The following DAPK1 variants were observed in gnomAD, a reference collection of about 807,000 sequenced individuals.
DAPK1 encodes death associated protein kinase 1, also known as death-associated protein kinase 1.
A neutral mutation model predicts 144.9 loss-of-function variants in DAPK1; 56 were observed. The ratio of observed to expected loss-of-function variants is 0.39; its 90% CI spans 0.31 to 0.48. DAPK1 has a LOEUF of 0.48. Ranked by LOEUF, DAPK1 falls within the 20% of genes least tolerant of loss-of-function variation. The pLI is 0.95. For synonymous variants in DAPK1, 690 were observed against 749.0 expected, an observed-to-expected ratio of 0.92 and a Z score of 1.29; for missense variants, 1,454 against 1,875.4, an observed-to-expected ratio of 0.78 and a Z score of 4.15.
At position 87,681,588 on chromosome 9, in the gene DAPK1, G is replaced by A. The variant is rs61730112; in HGVS notation, c.2186G>A (p.Ser729Asn). The A allele has an allele frequency of 8.7e-6, 14 of 1,610,044 alleles. No homozygotes were observed. Among genetic ancestry groups the A allele is most frequent in the Non-Finnish European group, 1.1e-5 (13 of 1,176,394 alleles). Residue 729 changes from serine (S) to asparagine (N), a missense_variant, in exon 20 of 26, where the codon AGC (serine) becomes AAC (asparagine). Ser to Asn is a conservative substitution (Grantham distance 46). Coordinates refer to ENST00000408954, the MANE Select transcript of DAPK1 (RefSeq NM_004938.4). ...CCCAGACTGTCTTCCACCAACTCCA[G>A]CAGGTTCCCACCTTCACCCCTGGCT... ...RRPRLSSTNS[S>N]RFPPSPLASK...
chr9:87,563,001 A>AG (rs1235902017), intron 2 of DAPK1, among the ~76,000 whole-genome samples: 1 of 152,192 alleles, frequency 6.6e-6, no homozygotes, highest in African/African-American at 2.4e-5. Flanking sequence ...TTTGGAGTGA[A>AG]GGTTGGACAA....
intron 1 of DAPK1, 32 bp downstream of exon 1, chr9:87,498,139 C>T (rs1170798168): frequency 5.0e-6 from 2 of 397,316 alleles, no homozygotes; most frequent in East Asian, 3.6e-5. Flanking sequence ...CCCGGTCCCC[C>T]CGACCCCCGG....
intron 16 of DAPK1, 56 bp downstream of exon 16, chr9:87,650,174 G>A (rs1830398024): frequency 2.6e-6 from 4 of 1,556,710 alleles, no homozygotes; most frequent in Non-Finnish European, 3.5e-6. Context: ...GGTCTAGAGG[G>A]ACCACAAGAC....
At chr9:87,571,491 A>ACC (rs1244744364) in intron 2 of DAPK1, among the ~76,000 whole-genome samples, 14 of 44,958 alleles carry the variant, frequency 3.1e-4, no homozygotes, top group Admixed American at 9.7e-4. Flanking sequence ...ACACACACAC[A>ACC]CACCCCAACA....
At chr9:87,550,508 A>C (rs548816211) in intron 2 of DAPK1, among the ~76,000 whole-genome samples, 2 of 152,244 alleles carry the variant, frequency 1.3e-5, no homozygotes, top group Admixed American at 1.3e-4. Context: ...CAGTCTGCAC[A>C]TGGCATTCTG....
Position 87,524,904 on chromosome 9 carries a change from G to A in DAPK1, c.62+25765G>A, listed in dbSNP as rs570825778. On this transcript the variant is annotated intron_variant, in intron 2 of 25. Transcript: ENST00000408954. ...GGACTTAGAGGGAAAGGGTGGGAAG[G>A]GGGTGAGAAATAAAAGACTACAAAT... Among the ~76,000 whole-genome samples the A allele has an allele frequency of 2.0e-5, 3 of 152,250 alleles. No individual in the cohort carries two copies. The South Asian group carries it at 6.2e-4, about 32-fold the overall frequency.
At chr9:87,622,649 G>A (rs997572068) in intron 3 of DAPK1, among the ~76,000 whole-genome samples, 2 of 152,080 alleles carry the variant, frequency 1.3e-5, no homozygotes, top group Admixed American at 6.5e-5. Context: ...TGTAGCTCAC[G>A]CCTGTAATCC....
chr9:87,648,901 C>T (rs758964502), intron 15 of DAPK1, 22 bp downstream of exon 15: 1 of 1,592,708 alleles, frequency 6.3e-7, no homozygotes, highest in South Asian at 1.1e-5. Context: ...CTGACATCCT[C>T]CCTTCCTCTG....
chr9:87,620,530 A>C (rs1388490734), intron 3 of DAPK1, among the ~76,000 whole-genome samples: 2 of 145,294 alleles, frequency 1.4e-5, no homozygotes, highest in African/African-American at 5.0e-5. Context: ...GGGAGAATTA[A>C]GCCCAGTCAA....
At chr9:87,705,845 G>C (rs1445480063) in intron 25 of DAPK1, among the ~76,000 whole-genome samples, 1 of 150,628 alleles carries the variant, frequency 6.6e-6, no homozygotes, top group Non-Finnish European at 1.5e-5. Context: ...ATCACTCATT[G>C]CATTTGGTTG....
chr9:87,699,088 C>A (rs915185309), intron 23 of DAPK1, among the ~76,000 whole-genome samples: 23 of 152,176 alleles, frequency 1.5e-4, no homozygotes, highest in African/African-American at 5.6e-4. Flanking sequence ...ATAACCATTT[C>A]CTTTGCATGT....
At chr9:87,589,843 A>G (rs1325334832) in intron 2 of DAPK1, among the ~76,000 whole-genome samples, 4 of 152,214 alleles carry the variant, frequency 2.6e-5, no homozygotes, top group African/African-American at 9.6e-5. Flanking sequence ...AGGACACAGC[A>G]TAAATACAGG....
At chr9:87,684,696 A>T (rs1887793) in intron 20 of DAPK1, among the ~76,000 whole-genome samples, 2 of 152,154 alleles carry the variant, frequency 1.3e-5, no homozygotes, top group African/African-American at 4.8e-5. Context: ...AGCCATTCCT[A>T]TTCCCGCGGA....
chr9:87,631,107 C>A (rs1271502622), intron 3 of DAPK1, among the ~76,000 whole-genome samples: 1 of 152,090 alleles, frequency 6.6e-6, no homozygotes, highest in African/African-American at 2.4e-5. Context: ...CGAAGGTGTG[C>A]CCTGGGGGAG....
chr9:87,571,466 C>CCCCCCA (rs1564000740), intron 2 of DAPK1, among the ~76,000 whole-genome samples: 3 of 60,474 alleles, frequency 5.0e-5, no homozygotes, highest in Admixed American at 4.7e-4. Flanking sequence ...CACACACACA[C>CCCCCCA]ACACACACCA....
At chr9:87,693,017 T>G (rs1174989781) in intron 21 of DAPK1, among the ~76,000 whole-genome samples, 1 of 141,238 alleles carries the variant, frequency 7.1e-6, no homozygotes, top group African/African-American at 2.6e-5. Context: ...CCTTTGTCTT[T>G]GACTTTTGAC....
rs139862205 is a variant in DAPK1, at chr9:87,599,065, T to C, written c.63-5889T>C. 3.5e-3 allele frequency among the ~76,000 whole-genome samples: 530 copies of C among 152,304 alleles called. 1 individual carries two copies. The highest frequency in any genetic ancestry group is 0.014 in the Middle Eastern group (4 of 294). ...GCTTTCCCCTCACAAAACACTTTCC[T>C]AGAGTGATGCTGGAGTCTGTCTGTA... On this transcript the variant is annotated intron_variant, in intron 2 of 25. Transcript: ENST00000408954.
At chr9:87,628,966 C>A (rs765032598) in intron 3 of DAPK1, among the ~76,000 whole-genome samples, 10 of 152,306 alleles carry the variant, frequency 6.6e-5, no homozygotes, top group South Asian at 2.1e-4. Flanking sequence ...CTTTAGCCAA[C>A]CTGTAATATT....
At chr9:87,523,724 C>T (rs1189118710) in intron 2 of DAPK1, among the ~76,000 whole-genome samples, 2 of 152,124 alleles carry the variant, frequency 1.3e-5, no homozygotes, top group Non-Finnish European at 2.9e-5. Context: ...AAGTATGGCT[C>T]CAGGCGTAGT....
Sources: allele counts gnomAD v4.1 joint callset (sites outside exome capture counted in the v4.1 genomes callset), GRCh38; gene constraint gnomAD v4.1.1; transcripts MANE v1.5; gene names NCBI Gene and HGNC (gene_info 2026-07-23, HGNC 2026-07-21).